LDAH: variants seen among roughly 807,000 people sequenced by gnomAD.
LDAH encodes the protein lipid droplet associated hydrolase.
A neutral mutation model predicts 29.6 loss-of-function variants in LDAH; 26 were observed. The ratio of observed to expected loss-of-function variants is 0.88; its 90% CI spans 0.64 to 1.22. The LOEUF (loss-of-function observed/expected upper bound fraction) is 1.22. Ranked by LOEUF, LDAH falls within the 50% of genes most tolerant of loss-of-function variation. The pLI is 0.00. For synonymous variants in LDAH, 117 were observed against 133.0 expected, an observed-to-expected ratio of 0.88 and a Z score of 0.83; for missense variants, 344 against 387.3, an observed-to-expected ratio of 0.89 and a Z score of 0.94.
At chr2:20,775,119 T>A in intron 3 of LDAH, 140 bp from the exon 4 acceptor site, 1 of 696,972 alleles carries the variant, frequency 1.4e-6, no homozygotes, top group Non-Finnish European at 2.3e-6. Flanking sequence ...TATTAGGCAT[T>A]CATTATATTA....
chr2:20,743,241 TAAAAA>T (rs572063718), intron 4 of LDAH, among the ~76,000 whole-genome samples: 1 of 147,144 alleles, frequency 6.8e-6, no homozygotes. Flanking sequence ...CAGTTATACT[TAAAAA>T]AAAAAAATTC....
At chr2:20,689,190 A>G (rs549602851) in intron 6 of LDAH, among the ~76,000 whole-genome samples, 1 of 152,170 alleles carries the variant, frequency 6.6e-6, no homozygotes, top group Admixed American at 6.5e-5. Flanking sequence ...ATGACTGCAT[A>G]GTATTCCAGC....
chr2:20,687,409 G>A lies in LDAH; in HGVS notation c.787-315C>T, dbSNP rs556256947. On this transcript the variant is annotated intron_variant, in intron 6 of 6. Coordinates refer to ENST00000237822, the MANE Select transcript of LDAH (RefSeq NM_021925.4). The stretch of plus-strand genomic sequence containing the variant: ...TGGGATGGACACTGGAATGAAGGCC[G>A]GTGAGGATGACGAAGACAGTTATTG... 2.3e-3 allele frequency among the ~76,000 whole-genome samples: 346 copies of A among 152,346 alleles called. 2 individuals carry two copies. Among genetic ancestry groups the A allele is most frequent in the African/African-American group, 7.9e-3 (327 of 41,578 alleles).
At chr2:20,767,025 G>C (rs1478732945) in intron 4 of LDAH, among the ~76,000 whole-genome samples, 1 of 152,232 alleles carries the variant, frequency 6.6e-6, no homozygotes, top group Non-Finnish European at 1.5e-5. Context: ...CATTCCTGGA[G>C]GTGCGCACTG....
At chr2:20,771,211 G>A (rs763083186) in intron 4 of LDAH, among the ~76,000 whole-genome samples, 1 of 151,998 alleles carries the variant, frequency 6.6e-6, no homozygotes, top group South Asian at 2.1e-4. Context: ...TATACAATAA[G>A]TCTCTTAAAA....
At chr2:20,716,833 T>A (rs1327435653) in intron 5 of LDAH, among the ~76,000 whole-genome samples, 5 of 150,266 alleles carry the variant, frequency 3.3e-5, no homozygotes, top group Middle Eastern at 3.4e-3. Context: ...GCCAACAATC[T>A]GAGCAATTTC....
intron 1 of LDAH, among the ~76,000 whole-genome samples, chr2:20,804,554 T>C (rs957841459): frequency 1.4e-4 from 21 of 152,304 alleles, no homozygotes; most frequent in Middle Eastern, 3.4e-3. Flanking sequence ...CTCAATATAA[T>C]GATCAAATAT....
intron 4 of LDAH, among the ~76,000 whole-genome samples, chr2:20,754,487 A>C (rs570151904): frequency 1.3e-3 from 173 of 130,316 alleles, no homozygotes; most frequent in African/African-American, 5.3e-3. Flanking sequence ...CAAGACTCCA[A>C]CTACCCTCGC....
rs376472696 is a variant in LDAH at position 20,782,083 on chromosome 2, C to G, written c.299-7104G>C. Among the ~76,000 whole-genome samples the G allele has an allele frequency of 1.4e-3, 208 of 152,292 alleles. 3 individuals carry two copies. The South Asian group carries it at 0.038, about 28-fold the overall frequency. ...CCGTATCAGTGTTTATTGTGAACAT[C>G]TAGGGCAGTGGTTCTGAAAATGTGG... is the stretch of plus-strand genomic sequence containing the variant. On this transcript the variant is annotated intron_variant, in intron 3 of 6. Transcript: ENST00000237822.
chr2:20,801,373 A>G lies in LDAH; in HGVS notation c.91T>C (p.Trp31Arg), dbSNP rs1171437642. 1 of 1,613,982 alleles carries G rather than the reference A, an allele frequency of 6.2e-7. No individual in the cohort carries two copies. The highest frequency in any genetic ancestry group is 8.5e-7 in the Non-Finnish European group (1 of 1,179,960). ...AETQVLKCGPWTDLFHDQSVK... is the reference protein window; with the variant it reads ...AETQVLKCGPRTDLFHDQSVK... ...CTTTGATCATGAAAGAGGTCTGTCC[A>G]GGGCCCACATTTTAGAACCTGGGTT... Residue 31 changes from tryptophan to arginine, a missense_variant, in exon 2 of 7, where the codon TGG (tryptophan) becomes CGG (arginine). By Grantham distance (101) the Trp-to-Arg change is moderately radical (BLOSUM62 -3). Transcript: ENST00000237822.
chr2:20,757,090 C>T (rs777524177), intron 4 of LDAH, among the ~76,000 whole-genome samples: 5 of 152,116 alleles, frequency 3.3e-5, no homozygotes, highest in Non-Finnish European at 5.9e-5. Context: ...TTTTTAAAGT[C>T]CCCTTGAAGG....
intron 4 of LDAH, among the ~76,000 whole-genome samples, chr2:20,766,748 G>C (rs1181984756): frequency 6.6e-6 from 1 of 152,216 alleles, no homozygotes; most frequent in Non-Finnish European, 1.5e-5. Flanking sequence ...ATGGCAGCAG[G>C]GGGCTATCCA....
At chr2:20,790,912 T>C (rs1670901648) in intron 2 of LDAH, among the ~76,000 whole-genome samples, 1 of 152,168 alleles carries the variant, frequency 6.6e-6, no homozygotes, top group African/African-American at 2.4e-5. Flanking sequence ...AAATAAACGA[T>C]CTTTTTAAAA....
In LDAH at chr2:20,722,280, G is replaced by T. The variant is rs186797376; in HGVS notation, c.703+17691C>A. The stretch of plus-strand genomic sequence containing the variant: ...TCCTGGCTACTGGCGGGGGAAGGTG[G>T]GAGAGAGGAGAATTGCTTAAACCCG... On this transcript the variant is annotated intron_variant, in intron 5 of 6. Coordinates refer to ENST00000237822, the MANE Select transcript of LDAH (RefSeq NM_021925.4). 1.0e-3 allele frequency among the ~76,000 whole-genome samples: 155 copies of T among 151,468 alleles called. 4 individuals are homozygous for T. The highest frequency in any genetic ancestry group is 9.8e-3 in the East Asian group (50 of 5,116).
chr2:20,795,720 ACAT>A (rs1304576509), intron 2 of LDAH, among the ~76,000 whole-genome samples: 2 of 152,210 alleles, frequency 1.3e-5, no homozygotes, highest in Non-Finnish European at 2.9e-5. Flanking sequence ...CATCCATTAA[ACAT>A]CAGACTACAA....
At chr2:20,817,451 C>A (rs1426052233) in intron 1 of LDAH, among the ~76,000 whole-genome samples, 2 of 152,032 alleles carry the variant, frequency 1.3e-5, no homozygotes, top group Non-Finnish European at 2.9e-5. Context: ...CATACCTATA[C>A]CTTAACCTCT....
At chr2:20,730,945 G>C (rs954562105) in intron 5 of LDAH, among the ~76,000 whole-genome samples, 3 of 152,094 alleles carry the variant, frequency 2.0e-5, no homozygotes, top group African/African-American at 4.8e-5. Flanking sequence ...GATTACTGTA[G>C]CTACATAATA....
intron 4 of LDAH, among the ~76,000 whole-genome samples, chr2:20,746,967 G>C (rs2124873950): frequency 6.6e-6 from 1 of 152,152 alleles, no homozygotes; most frequent in South Asian, 2.1e-4. Context: ...TTTTATACTG[G>C]ATACATTTGC....
At chr2:20,726,683 A>C (rs1408405515) in intron 5 of LDAH, among the ~76,000 whole-genome samples, 1 of 152,200 alleles carries the variant, frequency 6.6e-6, no homozygotes, top group Non-Finnish European at 1.5e-5. Context: ...AACTTTCTGC[A>C]TAATTTGGAG....
Sources: allele counts gnomAD v4.1 joint callset (sites outside exome capture counted in the v4.1 genomes callset), GRCh38; gene constraint gnomAD v4.1.1; transcripts MANE v1.5; gene names NCBI Gene and HGNC (gene_info 2026-07-23, HGNC 2026-07-21).